KHDRBS3: variants seen among roughly 807,000 people sequenced by gnomAD.
KHDRBS3 encodes the protein KH domain-containing, RNA-binding, signal transduction-associated protein 3.
KHDRBS3 carries 23 observed loss-of-function variants against 45.6 expected under a neutral mutation model. The ratio of observed to expected loss-of-function variants is 0.50; its 90% confidence interval spans 0.36 to 0.72. The LOEUF (loss-of-function observed/expected upper bound fraction) is 0.72, where lower values mean the gene tolerates loss of function less well. Ranked by LOEUF, KHDRBS3 falls within the 30% of genes least tolerant of loss-of-function variation. The pLI is 0.00. For missense variants in KHDRBS3, 352 were observed against 424.8 expected, an observed-to-expected ratio of 0.83 and a Z score of 1.51; for synonymous variants, 162 against 156.5, an observed-to-expected ratio of 1.04 and a Z score of -0.26.
chr8:135,554,143 T>C (rs1826758812), intron 4 of KHDRBS3, among the ~76,000 whole-genome samples: 1 of 152,102 alleles, frequency 6.6e-6, no homozygotes, highest in African/African-American at 2.4e-5. Flanking sequence ...AAATTCCATA[T>C]TTCTTTCCCT....
At chr8:135,538,152 G>A (rs1586685049) in intron 2 of KHDRBS3, among the ~76,000 whole-genome samples, 1 of 152,112 alleles carries the variant, frequency 6.6e-6, no homozygotes, top group African/African-American at 2.4e-5. Context: ...TGGCAGGATG[G>A]GACAGTGATC....
At chr8:135,461,625 A>G (rs1314140585) in intron 1 of KHDRBS3, among the ~76,000 whole-genome samples, 1 of 152,216 alleles carries the variant, frequency 6.6e-6, no homozygotes, top group African/African-American at 2.4e-5. Context: ...ACTAAAAAAC[A>G]TCTTTAGAAA....
chr8:135,469,776 C>A (rs578055078), intron 1 of KHDRBS3, among the ~76,000 whole-genome samples: 1 of 152,296 alleles, frequency 6.6e-6, no homozygotes, highest in South Asian at 2.1e-4. Context: ...ATCCACCCGC[C>A]TTGGCCTCCC....
intron 2 of KHDRBS3, among the ~76,000 whole-genome samples, chr8:135,535,773 T>C (rs745312450): frequency 4.0e-4 from 61 of 152,284 alleles, no homozygotes; most frequent in Admixed American, 1.6e-3. Context: ...GAAATTTATA[T>C]TCTCACAGTT....
chr8:135,482,371 GAAATGGT>G (rs61514224), intron 1 of KHDRBS3, among the ~76,000 whole-genome samples: 120,701 of 151,090 alleles, frequency 0.8, 48,726 homozygotes, highest in East Asian at 0.96. Context: ...GTTGCCCTGG[GAAATGGT>G]AAATGGTAAA....
chr8:135,535,753 A>G (rs145006031), intron 2 of KHDRBS3, among the ~76,000 whole-genome samples: 8 of 152,276 alleles, frequency 5.3e-5, no homozygotes, highest in African/African-American at 1.9e-4. Context: ...TGAGGAATGT[A>G]TAAAGCACAG....
At chr8:135,489,739 A>G (rs145904345) in intron 1 of KHDRBS3, among the ~76,000 whole-genome samples, 6 of 152,328 alleles carry the variant, frequency 3.9e-5, no homozygotes, top group Admixed American at 2.6e-4. Flanking sequence ...AAAAGTTTAT[A>G]AAGTAAAAAA....
At chr8:135,619,384 G>A (rs966925695) in intron 7 of KHDRBS3, among the ~76,000 whole-genome samples, 2 of 151,790 alleles carry the variant, frequency 1.3e-5, no homozygotes, top group Non-Finnish European at 2.9e-5. Flanking sequence ...ATACATGTAG[G>A]TATATAGCCC....
At chr8:135,583,162 CA>C (rs1801385356) in intron 6 of KHDRBS3, among the ~76,000 whole-genome samples, 1 of 152,168 alleles carries the variant, frequency 6.6e-6, no homozygotes. Flanking sequence ...ACAGTTCTTA[CA>C]TTTCTCTCTC....
chr8:135,506,808 A>G (rs763535006), intron 1 of KHDRBS3, among the ~76,000 whole-genome samples: 8 of 152,114 alleles, frequency 5.3e-5, no homozygotes, highest in Non-Finnish European at 7.4e-5. Context: ...TATAATTTCT[A>G]TCTTTGGTCC....
intron 3 of KHDRBS3, 131 bp from the exon 4 acceptor site, chr8:135,548,623 T>C (rs533056199): frequency 1.5e-5 from 10 of 647,384 alleles, no homozygotes; most frequent in Admixed American, 3.6e-5. Flanking sequence ...TAGAGTAGTG[T>C]CTACTGTGAC....
intron 5 of KHDRBS3, among the ~76,000 whole-genome samples, chr8:135,563,659 C>T (rs749745843): frequency 3.9e-5 from 6 of 152,330 alleles, no homozygotes; most frequent in Non-Finnish European, 5.9e-5. Flanking sequence ...ATTCTTTAGC[C>T]TCTTTCTGAT....
chr8:135,573,581 G>C (rs1242389871), intron 5 of KHDRBS3, among the ~76,000 whole-genome samples: 1 of 152,174 alleles, frequency 6.6e-6, no homozygotes. Context: ...GAAAACTGAG[G>C]CTTAAAGATC....
chr8:135,509,689 T>G (rs974957737), intron 1 of KHDRBS3, among the ~76,000 whole-genome samples: 2 of 152,238 alleles, frequency 1.3e-5, no homozygotes, highest in Non-Finnish European at 2.9e-5. Context: ...TGACTATGTC[T>G]TATCTTTGTG....
chr8:135,518,954 C>A (rs1230274110), intron 1 of KHDRBS3, among the ~76,000 whole-genome samples: 1 of 152,062 alleles, frequency 6.6e-6, no homozygotes, highest in Admixed American at 6.6e-5. Flanking sequence ...TAGAAAAAAT[C>A]AATAAAATTA....
At position 135,530,007 on chromosome 8, in the gene KHDRBS3, G is replaced by T. The variant is rs192551943; in HGVS notation, c.207+8652G>T. 7.0e-3 allele frequency among the ~76,000 whole-genome samples: 1,063 copies of T among 151,118 alleles called. 10 individuals are homozygous for T. Among genetic ancestry groups the T allele is most frequent in the African/African-American group, 0.024 (1,005 of 41,118 alleles). ...GTGGAGCTTGCAGTGAGCCGAGATCGTGCCACTGCACTCCAGCCTGAGCCT... is the reference window on the plus strand; with the variant it reads ...GTGGAGCTTGCAGTGAGCCGAGATCTTGCCACTGCACTCCAGCCTGAGCCT... On this transcript the variant is annotated intron_variant, in intron 2 of 8. Coordinates refer to ENST00000355849, the MANE Select transcript of KHDRBS3 (RefSeq NM_006558.3).
At chr8:135,502,931 G>A (rs1823805321) in intron 1 of KHDRBS3, among the ~76,000 whole-genome samples, 1 of 152,172 alleles carries the variant, frequency 6.6e-6, no homozygotes, top group South Asian at 2.1e-4. Flanking sequence ...TAATCAGAAT[G>A]AAATAAAACT....
At chr8:135,596,054 G>A (rs1210581483) in intron 6 of KHDRBS3, among the ~76,000 whole-genome samples, 1 of 152,102 alleles carries the variant, frequency 6.6e-6, no homozygotes, top group African/African-American at 2.4e-5. Flanking sequence ...ACAGCTTGGG[G>A]GAAAATGAAA....
At chr8:135,504,983 C>T (rs777229946) in intron 1 of KHDRBS3, among the ~76,000 whole-genome samples, 56 of 152,074 alleles carry the variant, frequency 3.7e-4, no homozygotes, top group South Asian at 2.1e-4. Context: ...AAGATGTAGT[C>T]GAGACCAAAG....
Sources: gnomAD v4.1 joint callset for allele counts (sites outside exome capture counted in the v4.1 genomes callset) on GRCh38, gnomAD v4.1.1 for gene constraint, MANE v1.5 for transcripts, NCBI Gene and HGNC (gene_info 2026-07-23, HGNC 2026-07-21) for gene names.